The following MTHFD1L variants were observed in gnomAD, a reference collection of about 807,000 sequenced individuals.
The protein encoded by MTHFD1L is methylenetetrahydrofolate dehydrogenase (NADP+ dependent) 1 like.
A neutral mutation model predicts 119.5 loss-of-function variants in MTHFD1L; 81 were observed. That is an observed-to-expected ratio of 0.68 (90% CI 0.57 to 0.82). The LOEUF (loss-of-function observed/expected upper bound fraction) is 0.82, where lower values mean the gene tolerates loss of function less well. MTHFD1L is among the 40% of genes least tolerant of loss of function. The pLI is 0.00. For missense variants in MTHFD1L, 1,125 were observed against 1,253.4 expected, an observed-to-expected ratio of 0.90 and a Z score of 1.55; for synonymous variants, 430 against 475.2, an observed-to-expected ratio of 0.90 and a Z score of 1.24.
intron 26 of MTHFD1L, among the ~76,000 whole-genome samples, chr6:151,075,561 C>A (rs912637566): frequency 7.2e-5 from 11 of 152,052 alleles, no homozygotes; most frequent in African/African-American, 2.7e-4. Flanking sequence ...ATTTTTTAAA[C>A]CCCTCTCAGA....
chr6:150,989,878 A>G (rs1216202206), intron 20 of MTHFD1L, among the ~76,000 whole-genome samples: 1 of 152,256 alleles, frequency 6.6e-6, no homozygotes, highest in Non-Finnish European at 1.5e-5. Context: ...ACACTATACT[A>G]TACTGTATTT....
At chr6:150,931,231 C>T (rs1224055714) in intron 11 of MTHFD1L, among the ~76,000 whole-genome samples, 2 of 143,026 alleles carry the variant, frequency 1.4e-5, no homozygotes, top group Non-Finnish European at 3.1e-5. Context: ...CTGAATTTCA[C>T]ATTAAAGAAA....
rs1194628755 is a variant in MTHFD1L at position 150,922,692 on chromosome 6, A to G, written c.1082+390A>G. 4.7e-4 allele frequency among the ~76,000 whole-genome samples: 63 copies of G among 134,906 alleles called. No homozygotes were observed. In the South Asian group the frequency reaches 5.8e-3, roughly 12 times the overall value. The allele number at this position is 134,906 out of a possible 152,430, so 88.5% of individuals were successfully genotyped here. ...GGAGTCTTGCTCTGTTGCCCAGGCT[A>G]GAGTGCAATGGTGCGATCTCGGCTC... On this transcript the variant is annotated intron_variant, in intron 10 of 27. Transcript: ENST00000367321.
chr6:151,042,147 C>T (rs1193332402), intron 26 of MTHFD1L: 1 of 208,464 alleles, frequency 4.8e-6, no homozygotes, highest in Non-Finnish European at 9.8e-6. Context: ...AGCTCGTGGT[C>T]ATCTAAGACC....
At chr6:151,025,297 A>C (rs1246981383) in intron 24 of MTHFD1L, among the ~76,000 whole-genome samples, 1 of 152,234 alleles carries the variant, frequency 6.6e-6, no homozygotes, top group Non-Finnish European at 1.5e-5. Flanking sequence ...GCTGATTTCC[A>C]GCCAAGGACA....
chr6:150,961,641 T>C (rs569770497), intron 18 of MTHFD1L, among the ~76,000 whole-genome samples: 11 of 152,240 alleles, frequency 7.2e-5, no homozygotes, highest in Non-Finnish European at 1.6e-4. Context: ...GGGTATAATT[T>C]GAATTCTTTT....
In MTHFD1L at chr6:150,936,800, T is replaced by G; in HGVS notation, c.1257-4T>G. 6.2e-7 allele frequency: 1 copy of G among 1,611,374 alleles called. No homozygotes were observed. The highest frequency in any genetic ancestry group is 8.5e-7 in the Non-Finnish European group (1 of 1,177,942). On this transcript the variant is annotated splice_polypyrimidine_tract_variant and splice_region_variant and intron_variant, in intron 11 of 27. Transcript: ENST00000367321. ...TAAAATTCACTTTCTCCCCCCGAAC[T>G]CAGGATCACACCCACCCCTCTTGGA...
chr6:151,013,119 C>T (rs1418600836), intron 21 of MTHFD1L, among the ~76,000 whole-genome samples: 4 of 152,180 alleles, frequency 2.6e-5, no homozygotes, highest in Non-Finnish European at 5.9e-5. Context: ...AGTGTTTCAC[C>T]CTGTAATGCC....
chr6:150,953,147 CTA>C (rs2128981127), intron 16 of MTHFD1L, among the ~76,000 whole-genome samples: 1 of 152,252 alleles, frequency 6.6e-6, no homozygotes, highest in South Asian at 2.1e-4. Context: ...CAACAACACT[CTA>C]GGGAATCAGT....
intron 24 of MTHFD1L, among the ~76,000 whole-genome samples, chr6:151,034,054 C>T (rs1785745031): frequency 6.6e-6 from 1 of 151,690 alleles, no homozygotes; most frequent in Admixed American, 6.6e-5. Flanking sequence ...CATGGTGCAC[C>T]CCTGTAGTCG....
chr6:150,901,601 T>C (rs527740157), intron 7 of MTHFD1L, among the ~76,000 whole-genome samples: 1 of 152,298 alleles, frequency 6.6e-6, no homozygotes, highest in Admixed American at 6.5e-5. Context: ...TCCCAGTTCA[T>C]TGAGAGTGAA....
chr6:150,943,973 G>A (rs533754604), intron 13 of MTHFD1L, among the ~76,000 whole-genome samples: 1 of 152,264 alleles, frequency 6.6e-6, no homozygotes, highest in East Asian at 1.9e-4. Flanking sequence ...CGTAGTGAGT[G>A]ACTATAAGGA....
At chr6:150,953,133 G>GC (rs1240525515) in intron 16 of MTHFD1L, among the ~76,000 whole-genome samples, 2 of 152,080 alleles carry the variant, frequency 1.3e-5, no homozygotes, top group Non-Finnish European at 2.9e-5. Context: ...CTGGTTCCTT[G>GC]CCCCAACAAC....
intron 6 of MTHFD1L, among the ~76,000 whole-genome samples, chr6:150,886,489 T>C (rs1782328204): frequency 6.6e-6 from 1 of 151,346 alleles, no homozygotes; most frequent in South Asian, 2.1e-4. Flanking sequence ...AGATGTAGTT[T>C]AGGGCACAGG....
At chr6:151,067,901 ACT>A (rs1319869617) in intron 26 of MTHFD1L, among the ~76,000 whole-genome samples, 1 of 152,138 alleles carries the variant, frequency 6.6e-6, no homozygotes, top group African/African-American at 2.4e-5. Context: ...AGCCAAATGA[ACT>A]CTGATGTGTC....
At chr6:151,084,358 C>T (rs1237966244) in intron 26 of MTHFD1L, among the ~76,000 whole-genome samples, 1 of 152,044 alleles carries the variant, frequency 6.6e-6, no homozygotes, top group Non-Finnish European at 1.5e-5. Context: ...AAGCCTGGCA[C>T]GCGTGTCTTC....
intron 15 of MTHFD1L, among the ~76,000 whole-genome samples, chr6:150,946,037 G>T (rs933893093): frequency 1.4e-4 from 21 of 152,006 alleles, no homozygotes; most frequent in African/African-American, 4.8e-4. Flanking sequence ...TAGAATTTTT[G>T]GTGAGTCCTT....
At chr6:151,076,515 G>A (rs988592175) in intron 26 of MTHFD1L, among the ~76,000 whole-genome samples, 7 of 151,994 alleles carry the variant, frequency 4.6e-5, no homozygotes, top group Non-Finnish European at 7.4e-5. Flanking sequence ...ATTGGGCATG[G>A]TGGCACACGC....
rs1791872092 is a variant in MTHFD1L at position 150,935,324 on chromosome 6, A to G, written c.1257-1480A>G. Reference sequence around the variant, plus strand: ...CAAAACTGAACTTCACAAAATAACTAGGATATCAGAAAATCAAGGAGTCCC... The same window carrying G: ...CAAAACTGAACTTCACAAAATAACTGGGATATCAGAAAATCAAGGAGTCCC... On this transcript the variant is annotated intron_variant, in intron 11 of 27. Transcript: ENST00000367321. The G allele has an allele frequency of 5.0e-6, 8 of 1,612,642 alleles. No individual in the cohort carries two copies. In the Admixed American group the frequency reaches 1.2e-4, roughly 24 times the overall value.
Sources: gnomAD v4.1 joint callset for allele counts (sites outside exome capture counted in the v4.1 genomes callset) on GRCh38, gnomAD v4.1.1 for gene constraint, MANE v1.5 for transcripts, NCBI Gene and HGNC (gene_info 2026-07-23, HGNC 2026-07-21) for gene names.